Variants in NSD3 observed in about 807,000 individuals in gnomAD.
NSD3 encodes nuclear receptor binding SET domain protein 3.
Under a neutral mutation model 160.8 loss-of-function variants are expected in NSD3, and 24 were observed. The ratio of observed to expected loss-of-function variants is 0.15; its 90% CI spans 0.11 to 0.21. The LOEUF is 0.21. Ranked by LOEUF, NSD3 falls within the 10% of genes least tolerant of loss-of-function variation. The probability of loss-of-function intolerance (pLI) is 1.00; values close to 1 mark genes in which losing one functional copy is unlikely to be tolerated. For synonymous variants in NSD3, 520 were observed against 600.0 expected, an observed-to-expected ratio of 0.87 and a Z score of 1.95; for missense variants, 1,157 against 1,735.9, an observed-to-expected ratio of 0.67 and a Z score of 5.93.
intron 1 of NSD3, among the ~76,000 whole-genome samples, chr8:38,364,177 T>A (rs1193856949): frequency 6.6e-6 from 1 of 151,974 alleles, no homozygotes; most frequent in Non-Finnish European, 1.5e-5. Flanking sequence ...CTCAGGGGGC[T>A]GAGGTGGGAC....
At chr8:38,342,631 G>A (rs1452488412) in intron 2 of NSD3, among the ~76,000 whole-genome samples, 1 of 151,682 alleles carries the variant, frequency 6.6e-6, no homozygotes. Flanking sequence ...ACAGTGGCAT[G>A]ATCTCGGCTC....
rs11992571 is a variant in NSD3, at chr8:38,338,318, A to G, written c.747+218T>C. ...CCGTCTCAAAAAGAAAAAAAAAAAA[A>G]ATACACATGATCAATTGAAAAAAAA... is the stretch of plus-strand genomic sequence containing the variant. On this transcript the variant is annotated intron_variant, in intron 3 of 23. Transcript: ENST00000317025. Among the ~76,000 whole-genome samples the G allele has an allele frequency of 2.6e-3, 400 of 152,114 alleles. 5 individuals carry two copies. The highest frequency in any genetic ancestry group is 9.0e-3 in the African/African-American group (373 of 41,484).
intron 19 of NSD3, among the ~76,000 whole-genome samples, chr8:38,285,603 T>C (rs769176846): frequency 6.6e-6 from 1 of 152,236 alleles, no homozygotes; most frequent in East Asian, 1.9e-4. Flanking sequence ...GCAACTACTA[T>C]TAAAAGGTGT....
chr8:38,369,721 T>C (rs1811193530), intron 1 of NSD3, among the ~76,000 whole-genome samples: 3 of 152,192 alleles, frequency 2.0e-5, no homozygotes, highest in Non-Finnish European at 4.4e-5. Flanking sequence ...TAAAGTGAAG[T>C]GGGGATAGGA....
intron 1 of NSD3, among the ~76,000 whole-genome samples, chr8:38,357,855 A>T (rs1810862802): frequency 1.3e-5 from 2 of 152,172 alleles, no homozygotes; most frequent in African/African-American, 2.4e-5. Flanking sequence ...CTTTGCATGG[A>T]GGTAGTAACA....
At chr8:38,309,195 C>G (rs1028834475) in intron 12 of NSD3, among the ~76,000 whole-genome samples, 3 of 151,382 alleles carry the variant, frequency 2.0e-5, no homozygotes, top group African/African-American at 7.3e-5. Flanking sequence ...AGGCTGGGCA[C>G]AGTGGCTCAC....
chr8:38,304,101 C>T (rs1379948753), intron 14 of NSD3, among the ~76,000 whole-genome samples: 2 of 152,146 alleles, frequency 1.3e-5, no homozygotes, highest in African/African-American at 2.4e-5. Flanking sequence ...TTGGCTGTGT[C>T]CCATCAGGCC....
rs576577070 is a variant in NSD3, at chr8:38,378,459, G to A, written c.-45+3340C>T. Reference sequence around the variant, plus strand: ...GATCGAGACCATCCTGGCTAACACCGTGAAACCCTGTCTCTACTAAAAAAT... The same window carrying A: ...GATCGAGACCATCCTGGCTAACACCATGAAACCCTGTCTCTACTAAAAAAT... On this transcript the variant is annotated intron_variant, in intron 1 of 23. Transcript: ENST00000317025. 2.2e-3 allele frequency among the ~76,000 whole-genome samples: 340 copies of A among 152,288 alleles called. 3 individuals are homozygous for A. Among genetic ancestry groups the A allele is most frequent in the African/African-American group, 7.6e-3 (314 of 41,556 alleles).
chr8:38,326,571 C>T (rs529041543), intron 7 of NSD3, among the ~76,000 whole-genome samples, 159 bp downstream of exon 7: 1 of 152,256 alleles, frequency 6.6e-6, no homozygotes, highest in South Asian at 2.1e-4. Flanking sequence ...AGCCCCTAAC[C>T]CACTTTCCTA....
In NSD3 at chr8:38,317,624, C is replaced by T. The variant is rs1809700733; in HGVS notation, c.1855+1271G>A. 1 of 1,157,488 alleles carries T rather than the reference C, an allele frequency of 8.6e-7. No homozygotes were observed. Among genetic ancestry groups the T allele is most frequent in the African/African-American group, 1.6e-5 (1 of 62,958 alleles). The allele number at this position is 1,157,488 out of a possible 1,614,324, so 71.7% of individuals were successfully genotyped here. A position where few individuals can be genotyped will look rare whatever the true frequency, so the allele number is the denominator to read the frequency against. On this transcript the variant is annotated intron_variant, in intron 9 of 23. Transcript: ENST00000317025. The surrounding 1 kb of genome is among the most constrained non-coding windows in gnomAD (Gnocchi z 5.3). ...ACAGTTTGGGCTGTTTGGCAAACCC[C>T]TGCAGATGTGCATTAATGATGCTTT...
In NSD3 at chr8:38,329,591, T is replaced by A. The variant is rs200843050; in HGVS notation, c.1368A>T (p.Thr456=). 750 of 1,614,226 alleles carry A rather than the reference T, an allele frequency of 4.6e-4. 2 individuals are homozygous for A. The highest frequency in any genetic ancestry group is 4.3e-4 in the Non-Finnish European group (506 of 1,180,046). Residue 456 remains threonine, a synonymous_variant, in exon 6 of 24, where the codon ACA becomes ACT. Transcript: ENST00000317025. This position sits in a 1 kb window ranked among gnomAD's most constrained non-coding sequence, Gnocchi z 4.8. ...GCGGTGGCTCTTCCTCTTCCGCACT[T>A]GTGTGCCGCCTCTGGCTATGTCTCC... ...EIRRHSQRRH[T]SAEEEEPPPV...
At chr8:38,335,819 T>A (rs954737408) in intron 4 of NSD3, among the ~76,000 whole-genome samples, 2 of 152,202 alleles carry the variant, frequency 1.3e-5, no homozygotes, top group African/African-American at 4.8e-5. Context: ...AAATATGGGA[T>A]AATAAAAGTA....
chr8:38,341,662 A>C (rs1298106441), intron 2 of NSD3, among the ~76,000 whole-genome samples: 1 of 152,072 alleles, frequency 6.6e-6, no homozygotes, highest in African/African-American at 2.4e-5. Context: ...GAGGTTAAAA[A>C]CGGTACCAGC....
At position 38,309,294 on chromosome 8, in the gene NSD3, C is replaced by A. The variant is rs539778993; in HGVS notation, c.2243-3849G>T. Among the ~76,000 whole-genome samples the A allele has an allele frequency of 7.9e-5, 12 of 152,192 alleles. No homozygotes were observed. The East Asian group carries it at 2.3e-3, about 29-fold the overall frequency. ...GCTAGCCTGGCCAACATGGCAAAAC[C>A]CTGGCTCTACTAAAAATACAAAAAT... On this transcript the variant is annotated intron_variant, in intron 12 of 23. Transcript: ENST00000317025.
chr8:38,298,296 A>T (rs1809203916), intron 15 of NSD3, among the ~76,000 whole-genome samples: 1 of 152,200 alleles, frequency 6.6e-6, no homozygotes, highest in African/African-American at 2.4e-5. Context: ...ACCTATGTTC[A>T]TTTTTTTGTT....
chr8:38,294,555 T>C (rs1809085728), intron 16 of NSD3, among the ~76,000 whole-genome samples: 1 of 152,192 alleles, frequency 6.6e-6, no homozygotes, highest in Non-Finnish European at 1.5e-5. Context: ...TCTAAAAAGT[T>C]TTCTCTTTAC....
At chr8:38,299,108 T>C (rs1000512305) in intron 15 of NSD3, among the ~76,000 whole-genome samples, 10 of 152,198 alleles carry the variant, frequency 6.6e-5, no homozygotes, top group Non-Finnish European at 1.3e-4. Context: ...ACTTGAATGA[T>C]AGTTTCACAC....
At chr8:38,349,468 G>C (rs1415225555) in intron 1 of NSD3, among the ~76,000 whole-genome samples, 1 of 151,568 alleles carries the variant, frequency 6.6e-6, no homozygotes, top group African/African-American at 2.4e-5. Context: ...ATAGGCATGA[G>C]TCACCACGCC....
At chr8:38,363,729 C>A (rs1811042582) in intron 1 of NSD3, 1 of 151,824 alleles carries the variant, frequency 6.6e-6, no homozygotes, top group African/African-American at 2.4e-5. Flanking sequence ...AAGGAACGCA[C>A]CTCTGCCGCT....
Sources: allele counts gnomAD v4.1 joint callset (sites outside exome capture counted in the v4.1 genomes callset), GRCh38; gene constraint gnomAD v4.1.1; non-coding constraint Gnocchi (gnomAD v3.1); transcripts MANE v1.5; gene names NCBI Gene and HGNC (gene_info 2026-07-23, HGNC 2026-07-21).